CNOT1: variants seen among roughly 807,000 people sequenced by gnomAD.
The protein encoded by CNOT1 is CCR4-NOT transcription complex subunit 1, also known as CCR4-associated factor 1.
CNOT1 carries 15 observed loss-of-function variants against 273.8 expected under a neutral mutation model. The ratio of observed to expected loss-of-function variants is 0.05; its 90% CI spans 0.04 to 0.08. The LOEUF (loss-of-function observed/expected upper bound fraction) is 0.08. CNOT1 is among the 10% of genes least tolerant of loss of function. The pLI is 1.00. For missense variants in CNOT1, 1,644 were observed against 2,912.2 expected (o/e 0.56, Z 10.02); for synonymous variants, 1,022 against 1,005.5 (o/e 1.02, Z -0.31).
In CNOT1 at chr16:58,547,160, T is replaced by C. The variant is rs1399454545; in HGVS notation, c.3750+26A>G. ...CAAAGCAATGCTTAGAAATTAGTCATAAATAAAATATTAAAATCTACTCAC... is the reference window on the plus strand; with the variant it reads ...CAAAGCAATGCTTAGAAATTAGTCACAAATAAAATATTAAAATCTACTCAC... On this transcript the variant is annotated intron_variant, in intron 27 of 48. Coordinates refer to ENST00000317147, the MANE Select transcript of CNOT1 (RefSeq NM_016284.5). This position sits in a 1 kb window ranked among gnomAD's most constrained non-coding sequence, Gnocchi z 4.0. The C allele has an allele frequency of 1.9e-6, 3 of 1,597,062 alleles. No homozygotes were observed. Among genetic ancestry groups the C allele is most frequent in the Non-Finnish European group, 2.6e-6 (3 of 1,172,788 alleles).
rs781598208 is a variant in CNOT1 at position 58,560,369 on chromosome 16, T to C, written c.1980-7A>G. 4 of 1,613,166 alleles carry C rather than the reference T, an allele frequency of 2.5e-6. No individual in the cohort carries two copies. The highest frequency in any genetic ancestry group is 2.7e-5 in the African/African-American group (2 of 74,904). On this transcript the variant is annotated splice_region_variant and splice_polypyrimidine_tract_variant and intron_variant, in intron 16 of 48. Transcript: ENST00000317147. ...TAGCTCCTGAGAAACACTCCTAAAA[T>C]AGAGGGGAAAAGGTAAAAAATATCA... is the stretch of plus-strand genomic sequence containing the variant.
At chr16:58,596,192 CT>C (rs1294667275) in intron 2 of CNOT1, among the ~76,000 whole-genome samples, 1 of 152,178 alleles carries the variant, frequency 6.6e-6, no homozygotes, top group Non-Finnish European at 1.5e-5. Context: ...AAGGAGCAAT[CT>C]AGCAGTGCCA....
intron 1 of CNOT1, among the ~76,000 whole-genome samples, chr16:58,606,811 A>C (rs578070476): frequency 6.6e-6 from 1 of 152,272 alleles, no homozygotes; most frequent in East Asian, 1.9e-4. Context: ...ATCAAAAAAA[A>C]AGAAAAAAAA....
At chr16:58,570,417 A>G (rs2041227452) in intron 16 of CNOT1, among the ~76,000 whole-genome samples, 1 of 152,222 alleles carries the variant, frequency 6.6e-6, no homozygotes, top group Non-Finnish European at 1.5e-5. Context: ...ACGGGAGATC[A>G]GTTTGAGCCC....
intron 31 of CNOT1, 55 bp downstream of exon 31, chr16:58,543,552 T>A: frequency 6.2e-7 from 1 of 1,612,248 alleles, no homozygotes; most frequent in Non-Finnish European, 8.5e-7. Context: ...AAAAAAATTA[T>A]TACAGACAAG....
At chr16:58,575,642 T>TA (rs746231172) in intron 14 of CNOT1, among the ~76,000 whole-genome samples, 83 of 151,812 alleles carry the variant, frequency 5.5e-4, no homozygotes, top group Non-Finnish European at 1.1e-3. Flanking sequence ...CTACTAAAAA[T>TA]AAAAAAATTA....
At chr16:58,554,492 T>TG (rs1460385004) in intron 21 of CNOT1, among the ~76,000 whole-genome samples, 1 of 152,206 alleles carries the variant, frequency 6.6e-6, no homozygotes, top group Non-Finnish European at 1.5e-5. Flanking sequence ...ATCTTGATTG[T>TG]GGTGGTAGTT....
rs199611416 is a variant in CNOT1 at position 58,545,530 on chromosome 16, T to C, written c.4007-39A>G. ...AATAAAAAGAGATTTAAAAAGTACATTTGTTGACTTTATTATAAAATTAGC... is the reference window on the plus strand; with the variant it reads ...AATAAAAAGAGATTTAAAAAGTACACTTGTTGACTTTATTATAAAATTAGC... On this transcript the variant is annotated intron_variant, in intron 29 of 48. Coordinates refer to ENST00000317147, the MANE Select transcript of CNOT1 (RefSeq NM_016284.5). 94 of 1,609,588 alleles carry C rather than the reference T, an allele frequency of 5.8e-5. No homozygotes were observed. In the Middle Eastern group the frequency reaches 6.7e-4, roughly 11 times the overall value.
chr16:58,560,119 T>C, intron 17 of CNOT1, 93 bp downstream of exon 17: 1 of 1,542,052 alleles, frequency 6.5e-7, no homozygotes, highest in Non-Finnish European at 8.7e-7. Context: ...ATCTAAAATG[T>C]AATAAATTCA....
intron 1 of CNOT1, among the ~76,000 whole-genome samples, chr16:58,605,832 T>C (rs1292097462): frequency 6.6e-6 from 1 of 152,104 alleles, no homozygotes; most frequent in East Asian, 1.9e-4. Flanking sequence ...AATTTTTGTA[T>C]TTTTTGTAGA....
At chr16:58,596,887 C>CAAAAAAAAAAAAAAA (rs58567423) in intron 2 of CNOT1, among the ~76,000 whole-genome samples, 1 of 69,986 alleles carries the variant, frequency 1.4e-5, no homozygotes, top group African/African-American at 6.0e-5. Context: ...GACTCCGTCT[C>CAAAAAAAAAAAAAAA]AAAAAAAAAA....
At chr16:58,526,724 G>A (rs1277248292) in intron 44 of CNOT1, among the ~76,000 whole-genome samples, 3 of 150,788 alleles carry the variant, frequency 2.0e-5, no homozygotes, top group Non-Finnish European at 4.4e-5. Context: ...TCTGAGGCAG[G>A]AGAATCGCCT....
Position 58,525,101 on chromosome 16 carries a change from C to A in CNOT1, c.6784+78G>T. On this transcript the variant is annotated intron_variant, in intron 46 of 48. Transcript: ENST00000317147. ...ATTCCTTCACTATTGTGGCTTGAAG[C>A]ATTTTTACATTTTTGTGATCAGATT... 13 of 1,350,716 alleles carry A rather than the reference C, an allele frequency of 9.6e-6. No individual in the cohort carries two copies. The Admixed American group carries it at 1.2e-4, about 13-fold the overall frequency. 83.7% of individuals were successfully genotyped at this position (1,350,716 alleles called of 1,614,324 possible).
Position 58,606,220 on chromosome 16 carries a change from T to C in CNOT1, c.-174-6709A>G, listed in dbSNP as rs367761497. ...GAGTTCAAGACCAGACTGAGCAACATAGTGAGACAGTGTCTCTGTAATTAA... is the reference window on the plus strand; with the variant it reads ...GAGTTCAAGACCAGACTGAGCAACACAGTGAGACAGTGTCTCTGTAATTAA... On this transcript the variant is annotated intron_variant, in intron 1 of 48. Transcript: ENST00000317147. Among the ~76,000 whole-genome samples the C allele has an allele frequency of 5.9e-5, 9 of 152,062 alleles. No homozygotes were observed. The East Asian group carries it at 1.2e-3, about 20-fold the overall frequency.
Position 58,614,855 on chromosome 16 carries a change from A to G in CNOT1, c.-175+14873T>C, listed in dbSNP as rs1304415446. 4.0e-5 allele frequency among the ~76,000 whole-genome samples: 5 copies of G among 123,466 alleles called. 2 individuals carry two copies. The highest frequency in any genetic ancestry group is 9.6e-5 in the Non-Finnish European group (5 of 51,936). 81.0% of individuals were successfully genotyped at this position (123,466 alleles called of 152,430 possible). A position where few individuals can be genotyped will look rare whatever the true frequency, so the allele number is the denominator to read the frequency against. ...TTCTGGAGTAGCTGGGACCACAGGCATATGCCACTACGTCTAATTTTTTGT... is the reference window on the plus strand; with the variant it reads ...TTCTGGAGTAGCTGGGACCACAGGCGTATGCCACTACGTCTAATTTTTTGT... On this transcript the variant is annotated intron_variant, in intron 1 of 48. Transcript: ENST00000317147.
intron 1 of CNOT1, among the ~76,000 whole-genome samples, chr16:58,607,370 T>C (rs2042716405): frequency 6.6e-6 from 1 of 152,170 alleles, no homozygotes. Context: ...CTTTTGTTTG[T>C]ATATATGCTC....
Position 58,592,340 on chromosome 16 carries a change from TA to T in CNOT1, c.103-3435del, listed in dbSNP as rs889303835. Among the ~76,000 whole-genome samples, 426 of 148,074 alleles carry T rather than the reference TA, an allele frequency of 2.9e-3. 1 individual carries two copies. Among genetic ancestry groups the T allele is most frequent in the African/African-American group, 9.5e-3 (384 of 40,612 alleles). ...GTCTTTAATTACTGCAAAACTGACT[TA>T]AAAAAAAAAATCTTCCCTATTAACA... is the stretch of plus-strand genomic sequence containing the variant. On this transcript the variant is annotated intron_variant, in intron 2 of 48. Transcript: ENST00000317147.
At chr16:58,540,646 T>C (rs2040065071) in intron 34 of CNOT1, among the ~76,000 whole-genome samples, 1 of 152,152 alleles carries the variant, frequency 6.6e-6, no homozygotes, top group Non-Finnish European at 1.5e-5. Flanking sequence ...GAAACTCGAG[T>C]GAGGTCTATG....
intron 1 of CNOT1, among the ~76,000 whole-genome samples, chr16:58,610,837 C>G (rs147843606): frequency 6.8e-6 from 1 of 147,286 alleles, no homozygotes; most frequent in East Asian, 2.0e-4. Context: ...AGTGAGACTC[C>G]GTCTCAAAAA....
Sources: gnomAD v4.1 joint callset for allele counts (sites outside exome capture counted in the v4.1 genomes callset) on GRCh38, gnomAD v4.1.1 for gene constraint, Gnocchi (gnomAD v3.1) non-coding constraint, MANE v1.5 for transcripts, NCBI Gene and HGNC (gene_info 2026-07-23, HGNC 2026-07-21) for gene names.